The following PDCL2 variants were observed in gnomAD, a reference collection of about 807,000 sequenced individuals.
PDCL2 encodes the protein phosducin like 2, also known as phosducin-like protein 2.
Under a neutral mutation model 30.3 loss-of-function variants are expected in PDCL2, and 23 were observed. The observed-to-expected ratio is 0.76, with a 90% CI of 0.55 to 1.08. The LOEUF (loss-of-function observed/expected upper bound fraction) is 1.08, where lower values mean the gene tolerates loss of function less well. Among genes scored for constraint, PDCL2 ranks in the 50% least tolerant of loss-of-function variants. The pLI, the probability that PDCL2 is intolerant of heterozygous loss-of-function variation, is 0.00. For missense variants in PDCL2, 243 were observed against 282.3 expected (o/e 0.86, Z 1.00); for synonymous variants, 68 against 86.2 (o/e 0.79, Z 1.17).
intron 1 of PDCL2, 115 bp downstream of exon 1, chr4:55,591,989 C>A: frequency 7.0e-7 from 1 of 1,422,214 alleles, no homozygotes; most frequent in Non-Finnish European, 9.5e-7. Flanking sequence ...TTTCCAAGAA[C>A]AAATGTTAGA....
At chr4:55,576,080 T>C (rs551463366) in intron 3 of PDCL2, among the ~76,000 whole-genome samples, 16 of 152,158 alleles carry the variant, frequency 1.1e-4, no homozygotes, top group African/African-American at 3.9e-4. Context: ...TAAAAGCCAT[T>C]ATTGGAATTG....
chr4:55,564,925 C>T (rs146507594), intron 4 of PDCL2, among the ~76,000 whole-genome samples: 98 of 152,272 alleles, frequency 6.4e-4, no homozygotes, highest in African/African-American at 2.2e-3. Context: ...CAAACTGCCC[C>T]GAATCATTCC....
rs566159904 is a variant in PDCL2 at position 55,587,854 on chromosome 4, A to G, written c.6+4250T>C. ...TACAGGTTTCAGCCACTGTGTCTCAACACTTGTCTTTTCATTCTCTTGATA... is the reference window on the plus strand; with the variant it reads ...TACAGGTTTCAGCCACTGTGTCTCAGCACTTGTCTTTTCATTCTCTTGATA... On this transcript the variant is annotated intron_variant, in intron 1 of 5. Transcript: ENST00000295645. Among the ~76,000 whole-genome samples the G allele has an allele frequency of 7.9e-5, 12 of 152,100 alleles. No homozygotes were observed. In the South Asian group the frequency reaches 2.5e-3, roughly 32 times the overall value.
chr4:55,585,524 TCACACACACACA>T (rs71192022), intron 1 of PDCL2, among the ~76,000 whole-genome samples: 5 of 150,434 alleles, frequency 3.3e-5, no homozygotes, highest in Non-Finnish European at 7.4e-5. Flanking sequence ...TGAGATACTG[TCACACACACACA>T]CACACAGACA....
intron 5 of PDCL2, among the ~76,000 whole-genome samples, chr4:55,560,204 G>A (rs1437434126): frequency 6.7e-6 from 1 of 148,858 alleles, no homozygotes; most frequent in East Asian, 2.0e-4. Context: ...GGGGGGACGA[G>A]ATACACACTA....
intron 3 of PDCL2, among the ~76,000 whole-genome samples, chr4:55,573,463 G>A (rs1472928328): frequency 6.6e-6 from 1 of 152,036 alleles, no homozygotes; most frequent in Non-Finnish European, 1.5e-5. Context: ...TAATAACAGA[G>A]ATGAGGCCTG....
chr4:55,561,515 G>A (rs1403118935), intron 5 of PDCL2, among the ~76,000 whole-genome samples: 6 of 152,214 alleles, frequency 3.9e-5, no homozygotes, highest in African/African-American at 1.4e-4. Context: ...AGTGAGCCAA[G>A]GTCATGCCAC....
At chr4:55,578,683 A>G (rs892044814) in intron 3 of PDCL2, among the ~76,000 whole-genome samples, 1 of 152,052 alleles carries the variant, frequency 6.6e-6, no homozygotes, top group Non-Finnish European at 1.5e-5. Context: ...CACAGAGGTG[A>G]TATGTCCTTC....
At chr4:55,571,564 G>A (rs1732424067) in intron 3 of PDCL2, among the ~76,000 whole-genome samples, 1 of 84,552 alleles carries the variant, frequency 1.2e-5, no homozygotes. Flanking sequence ...GCGGGCGCCT[G>A]TGGTCCCAGC....
Position 55,588,773 on chromosome 4 carries a change from T to C in PDCL2, c.6+3331A>G, listed in dbSNP as rs146124336. Reference sequence around the variant, plus strand: ...CCATTTAATGGTCTTGGCACTCTTGTTAAAAATTTTTTGAAAATATGTGTG... The same window carrying C: ...CCATTTAATGGTCTTGGCACTCTTGCTAAAAATTTTTTGAAAATATGTGTG... On this transcript the variant is annotated intron_variant, in intron 1 of 5. Transcript: ENST00000295645. Among the ~76,000 whole-genome samples, 31 of 152,326 alleles carry C rather than the reference T, an allele frequency of 2.0e-4. No homozygotes were observed. The East Asian group carries it at 4.6e-3, about 23-fold the overall frequency.
At chr4:55,591,631 G>A (rs1350644092) in intron 1 of PDCL2, among the ~76,000 whole-genome samples, 1 of 152,098 alleles carries the variant, frequency 6.6e-6, no homozygotes, top group Non-Finnish European at 1.5e-5. Flanking sequence ...TGATCCGCCC[G>A]CCTCCGCCTC....
intron 5 of PDCL2, 81 bp from the exon 6 acceptor site, chr4:55,556,792 C>T (rs1000123770): frequency 1.8e-6 from 2 of 1,101,754 alleles, no homozygotes; most frequent in Admixed American, 3.5e-5. Flanking sequence ...AGAGTTGACT[C>T]TTAGTAATAT....
chr4:55,579,201 T>G (rs1484787560), intron 3 of PDCL2, among the ~76,000 whole-genome samples: 1 of 152,170 alleles, frequency 6.6e-6, no homozygotes, highest in Non-Finnish European at 1.5e-5. Context: ...AAGTACTTCC[T>G]TACCTACTGG....
At chr4:55,570,488 G>A (rs1732392842) in intron 3 of PDCL2, among the ~76,000 whole-genome samples, 3 of 152,142 alleles carry the variant, frequency 2.0e-5, no homozygotes, top group South Asian at 4.1e-4. Context: ...GCCAGTTCCA[G>A]TACTTGTTAA....
At chr4:55,584,566 A>T (rs1732813112) in intron 1 of PDCL2, among the ~76,000 whole-genome samples, 1 of 151,802 alleles carries the variant, frequency 6.6e-6, no homozygotes. Context: ...CAGAAATGCT[A>T]CTAGTTTTCA....
intron 1 of PDCL2, among the ~76,000 whole-genome samples, chr4:55,588,612 A>C (rs368601945): frequency 8.4e-4 from 128 of 152,290 alleles, no homozygotes; most frequent in South Asian, 6.4e-3. Flanking sequence ...TGGCAAAATA[A>C]ACTTTCTAAG....
intron 5 of PDCL2, among the ~76,000 whole-genome samples, chr4:55,557,211 A>T (rs181439259): frequency 6.6e-6 from 1 of 152,370 alleles, no homozygotes; most frequent in East Asian, 1.9e-4. Flanking sequence ...CAGCAAAGTT[A>T]TACTGAAAGG....
intron 2 of PDCL2, among the ~76,000 whole-genome samples, chr4:55,581,663 T>C (rs996431497): frequency 6.6e-6 from 1 of 152,192 alleles, no homozygotes; most frequent in Non-Finnish European, 1.5e-5. Context: ...CATATCCAAA[T>C]ACTGAAAGTA....
intron 3 of PDCL2, among the ~76,000 whole-genome samples, chr4:55,579,854 T>G (rs1732666494): frequency 6.7e-6 from 1 of 150,090 alleles, no homozygotes; most frequent in African/African-American, 2.5e-5. Context: ...TTTTGTTTGT[T>G]TTTTTTTTCG....
Sources: allele counts gnomAD v4.1 joint callset (sites outside exome capture counted in the v4.1 genomes callset), GRCh38; gene constraint gnomAD v4.1.1; transcripts MANE v1.5; gene names NCBI Gene and HGNC (gene_info 2026-07-23, HGNC 2026-07-21).